GARRE1: variants seen among roughly 807,000 people sequenced by gnomAD.
GARRE1 encodes the protein granule associated Rac and RHOG effector 1, also known as granule associated Rac and RHOG effector protein 1.
A neutral mutation model predicts 103.2 loss-of-function variants in GARRE1; 49 were observed. The observed-to-expected ratio is 0.47, with a 90% CI of 0.38 to 0.60. The LOEUF is 0.60. GARRE1 is among the 20% of genes least tolerant of loss of function. GARRE1 has a pLI of 0.00. For missense variants in GARRE1, 1,199 were observed against 1,370.5 expected, an observed-to-expected ratio of 0.87 and a Z score of 1.98; for synonymous variants, 505 against 532.8, an observed-to-expected ratio of 0.95 and a Z score of 0.72.
chr19:34,298,460 C>T (rs2073958844), intron 1 of GARRE1, among the ~76,000 whole-genome samples: 1 of 149,760 alleles, frequency 6.7e-6, no homozygotes, highest in East Asian at 2.0e-4. Flanking sequence ...GGCCTGTAAT[C>T]CCAGCACTTT....
intron 1 of GARRE1, chr19:34,296,525 C>T: frequency 1.9e-6 from 3 of 1,595,446 alleles, no homozygotes; most frequent in South Asian, 1.1e-5. Context: ...TTACGAGGGC[C>T]TTGATAGCCT....
At chr19:34,302,292 GTTTT>G (rs397786603) in intron 2 of GARRE1, among the ~76,000 whole-genome samples, 23 of 92,048 alleles carry the variant, frequency 2.5e-4, no homozygotes, top group African/African-American at 1.0e-3. Flanking sequence ...GCGCCCAGCC[GTTTT>G]TTTTTTTTTT....
Position 34,300,463 on chromosome 19 carries a change from C to T in GARRE1, c.-11C>T. On this transcript the variant is annotated 5_prime_UTR_variant, in exon 2 of 14. Coordinates refer to ENST00000299505, the MANE Select transcript of GARRE1 (RefSeq NM_014686.5). ...CCCACTTACGGTTGCTGGGACAATT[C>T]CCCCTCCCGCATGTATTGCTGCAGT... 1 of 1,534,998 alleles carries T rather than the reference C, an allele frequency of 6.5e-7. No homozygotes were observed. Among genetic ancestry groups the T allele is most frequent in the Non-Finnish European group, 8.8e-7 (1 of 1,138,320 alleles).
In GARRE1 at chr19:34,327,535, A is replaced by G. The variant is rs781478943; in HGVS notation, c.820A>G (p.Asn274Asp). ...TCCTGAGCACCAGCTAAAAGAACTGAACATAAAAATCGACAGTGCTTTGCA... is the reference window on the plus strand; with the variant it reads ...TCCTGAGCACCAGCTAAAAGAACTGGACATAAAAATCGACAGTGCTTTGCA... Reference protein sequence around the residue: ...AIPEHQLKELNIKIDSALQAY... With the variant: ...AIPEHQLKELDIKIDSALQAY... The change falls in exon 4 of 14, where the codon AAC becomes GAC. Residue 274 changes from asparagine to aspartate, a missense_variant. By Grantham distance (23) the Asn-to-Asp change is conservative (BLOSUM62 1). Transcript: ENST00000299505. The G allele has an allele frequency of 3.7e-6, 6 of 1,614,086 alleles. No homozygotes were observed. The highest frequency in any genetic ancestry group is 4.5e-5 in the East Asian group (2 of 44,874).
In GARRE1 at chr19:34,342,035, C is replaced by G; in HGVS notation, c.2101C>G (p.Arg701Gly). ...GTCACTGCCTGTGCCCCCTCCACCA[C>G]GGGCACCCCAGGCTGGGGCACACAC... ...QPSLPVPPPP[R>G]APQAGAHTPL... The change falls in exon 10 of 14, where the codon CGG becomes GGG. Residue 701 changes from arginine (R) to glycine (G), a missense_variant. Transcript: ENST00000299505. 1 of 1,614,086 alleles carries G rather than the reference C, an allele frequency of 6.2e-7. No individual in the cohort carries two copies. Among genetic ancestry groups the G allele is most frequent in the Non-Finnish European group, 8.5e-7 (1 of 1,180,010 alleles).
At chr19:34,327,934 T>C in intron 5 of GARRE1, 56 bp from the exon 6 acceptor site, 5 of 1,613,622 alleles carry the variant, frequency 3.1e-6, no homozygotes, top group Non-Finnish European at 4.2e-6. Context: ...GTGAACCAAG[T>C]GTTTTGACAG....
At chr19:34,268,921 C>T (rs1185472704) in intron 1 of GARRE1, among the ~76,000 whole-genome samples, 1 of 152,148 alleles carries the variant, frequency 6.6e-6, no homozygotes. Flanking sequence ...TCCTTCCCCA[C>T]CAAAAATAAA....
Position 34,323,326 on chromosome 19 carries a change from C to T in GARRE1, c.705+3210C>T, listed in dbSNP as rs1023427625. 5.3e-5 allele frequency among the ~76,000 whole-genome samples: 8 copies of T among 152,134 alleles called. No homozygotes were observed. The South Asian group carries it at 6.2e-4, about 12-fold the overall frequency. ...GATTACAGGCGTGAGCCACGGCGCC[C>T]GGCCTAGTATTTCATTTTATGTTTT... On this transcript the variant is annotated intron_variant, in intron 3 of 13. Transcript: ENST00000299505.
chr19:34,312,589 T>G (rs1254441252), intron 2 of GARRE1, among the ~76,000 whole-genome samples: 1 of 152,210 alleles, frequency 6.6e-6, no homozygotes, highest in African/African-American at 2.4e-5. Context: ...CATAATGTCT[T>G]TAAGGCTCAT....
rs1479123495 is a variant in GARRE1 at position 34,353,297 on chromosome 19, C to T, written c.*342C>T. 1.5e-5 allele frequency: 5 copies of T among 334,946 alleles called. No homozygotes were observed. The highest frequency in any genetic ancestry group is 2.2e-5 in the Non-Finnish European group (4 of 182,764). 20.7% of individuals were successfully genotyped at this position (334,946 alleles called of 1,614,324 possible). A position where few individuals can be genotyped will look rare whatever the true frequency, so the allele number is the denominator to read the frequency against. On this transcript the variant is annotated 3_prime_UTR_variant, in exon 14 of 14. Transcript: ENST00000299505. ...GAAACACAGCTCTTGGGTTTTTAGT[C>T]CTGCTGTGTGTTGGGAAGACATCAG...
At chr19:34,267,476 G>A (rs1291295013) in intron 1 of GARRE1, among the ~76,000 whole-genome samples, 2 of 151,814 alleles carry the variant, frequency 1.3e-5, no homozygotes, top group Non-Finnish European at 2.9e-5. Context: ...AAAGTGCTGG[G>A]ATTACAGGTA....
intron 1 of GARRE1, among the ~76,000 whole-genome samples, chr19:34,297,829 A>C (rs1287837238): frequency 2.0e-5 from 3 of 152,232 alleles, no homozygotes; most frequent in Non-Finnish European, 4.4e-5. Context: ...TGAAAAGTTT[A>C]TGAGATTTTT....
At chr19:34,346,440 A>G (rs1372779494) in intron 10 of GARRE1, among the ~76,000 whole-genome samples, 1 of 152,162 alleles carries the variant, frequency 6.6e-6, no homozygotes, top group African/African-American at 2.4e-5. Context: ...TCTCCTGTCA[A>G]TAGCCAGGAA....
chr19:34,344,999 C>G (rs2074204674), intron 10 of GARRE1, among the ~76,000 whole-genome samples: 1 of 152,184 alleles, frequency 6.6e-6, no homozygotes, highest in Non-Finnish European at 1.5e-5. Context: ...CTACCATGCC[C>G]AACTAATTTT....
At chr19:34,330,748 T>TTGG (rs2074133750) in intron 7 of GARRE1, among the ~76,000 whole-genome samples, 1 of 128,366 alleles carries the variant, frequency 7.8e-6, no homozygotes, top group Admixed American at 8.3e-5. Flanking sequence ...TTTTTTTTTT[T>TTGG]TGTGTGTGTG....
chr19:34,327,627 T>C, intron 4 of GARRE1, 66 bp downstream of exon 4: 7 of 1,568,780 alleles, frequency 4.5e-6, no homozygotes, highest in Non-Finnish European at 5.2e-6. Flanking sequence ...GTTAAAGTTG[T>C]GATGTTGAAT....
intron 8 of GARRE1, among the ~76,000 whole-genome samples, chr19:34,338,123 T>C (rs1429569017): frequency 6.6e-6 from 1 of 152,232 alleles, no homozygotes; most frequent in African/African-American, 2.4e-5. Context: ...GGAGTACTGC[T>C]ACCTCCTTGA....
At chr19:34,293,750 C>A (rs1028177557) in intron 1 of GARRE1, among the ~76,000 whole-genome samples, 15 of 47,168 alleles carry the variant, frequency 3.2e-4, no homozygotes, top group African/African-American at 6.3e-4. Context: ...ACACATATTT[C>A]TTTTTTTTTT....
intron 2 of GARRE1, among the ~76,000 whole-genome samples, chr19:34,301,572 T>G (rs1431394142): frequency 6.7e-6 from 1 of 150,348 alleles, no homozygotes; most frequent in African/African-American, 2.5e-5. Context: ...CAATATTTTA[T>G]ATTGTTGTCT....
Sources: gnomAD v4.1 joint callset for allele counts (sites outside exome capture counted in the v4.1 genomes callset) on GRCh38, gnomAD v4.1.1 for gene constraint, MANE v1.5 for transcripts, NCBI Gene and HGNC (gene_info 2026-07-23, HGNC 2026-07-21) for gene names.